SNTB2: variants seen among roughly 807,000 people sequenced by gnomAD.
The protein encoded by SNTB2 is beta-2-syntrophin.
Under a neutral mutation model 46.2 loss-of-function variants are expected in SNTB2, and 34 were observed. The observed-to-expected ratio is 0.74, with a 90% confidence interval of 0.56 to 0.98. The LOEUF (loss-of-function observed/expected upper bound fraction) is 0.98, where lower values mean the gene tolerates loss of function less well. Ranked by LOEUF, SNTB2 falls within the 50% of genes least tolerant of loss-of-function variation. The pLI is 0.00. For synonymous variants in SNTB2, 290 were observed against 312.6 expected (o/e 0.93, Z 0.76); for missense variants, 603 against 731.4 (o/e 0.82, Z 2.02).
rs966712407 is a variant in SNTB2 at position 69,275,584 on chromosome 16, T to A, written c.1148+5299T>A. ...ACCAGAGGCGGGTAAAGGGTAACCC[T>A]GAGAGAGACAAGAAGATGAAACCAG... On this transcript the variant is annotated intron_variant, in intron 4 of 6. Transcript: ENST00000336278. Among the ~76,000 whole-genome samples the A allele has an allele frequency of 2.0e-5, 3 of 152,086 alleles. No homozygotes were observed. In the East Asian group the frequency reaches 5.8e-4, roughly 29 times the overall value.
At position 69,300,960 on chromosome 16, in the gene SNTB2, A is replaced by G. The variant is rs2143211609; in HGVS notation, c.*36A>G. The G allele has an allele frequency of 7.6e-7, 1 of 1,323,054 alleles. No homozygotes were observed. The highest frequency in any genetic ancestry group is 2.3e-5 in the East Asian group (1 of 43,446). The allele number at this position is 1,323,054 out of a possible 1,614,324, so 82.0% of individuals were successfully genotyped here. A position where few individuals can be genotyped will look rare whatever the true frequency, so the allele number is the denominator to read the frequency against. ...ATCAGAAAAGAGCCTTGACTGTCAC[A>G]AGAAATATTTCCACCTCAAAAAAAA... On this transcript the variant is annotated 3_prime_UTR_variant, in exon 7 of 7. Transcript: ENST00000336278.
At chr16:69,204,827 A>G (rs1964197831) in intron 1 of SNTB2, among the ~76,000 whole-genome samples, 1 of 152,206 alleles carries the variant, frequency 6.6e-6, no homozygotes, top group Non-Finnish European at 1.5e-5. Flanking sequence ...TCTTGGCATC[A>G]AATTACTTTT....
At chr16:69,238,104 C>T (rs1190588677) in intron 1 of SNTB2, among the ~76,000 whole-genome samples, 3 of 152,168 alleles carry the variant, frequency 2.0e-5, no homozygotes, top group African/African-American at 7.2e-5. Flanking sequence ...GCGTGGACAA[C>T]ATCAGCAGAC....
chr16:69,284,189 G>T lies in SNTB2; in HGVS notation c.1290G>T (p.Arg430Ser), dbSNP rs1365749404. 10 of 1,614,000 alleles carry T rather than the reference G, an allele frequency of 6.2e-6. No homozygotes were observed. Among genetic ancestry groups the T allele is most frequent in the Non-Finnish European group, 7.6e-6 (9 of 1,179,992 alleles). ...ETHRDLSSWTRILVQGCHAAA... is the reference protein window; with the variant it reads ...ETHRDLSSWTSILVQGCHAAA... ...ATCGGGATCTGTCATCCTGGACCAG[G>T]ATACTTGTTCAGGGTTGCCATGCTG... Residue 430 changes from arginine (R) to serine (S), a missense_variant, in exon 5 of 7, where the codon AGG becomes AGT. Arg to Ser is a moderately radical substitution (Grantham distance 110). This residue lies in a region of SNTB2 where 537 missense variants were observed against 692.4 expected (regional missense o/e 0.78). Coordinates refer to ENST00000336278, the MANE Select transcript of SNTB2 (RefSeq NM_006750.4).
chr16:69,200,169 C>A (rs888448011), intron 1 of SNTB2, among the ~76,000 whole-genome samples: 3 of 152,182 alleles, frequency 2.0e-5, no homozygotes, highest in African/African-American at 7.2e-5. Flanking sequence ...CTGCCTCGGC[C>A]TCCCAAAGGA....
chr16:69,214,657 G>T (rs1417906205), intron 1 of SNTB2, among the ~76,000 whole-genome samples: 1 of 151,418 alleles, frequency 6.6e-6, no homozygotes, highest in South Asian at 2.1e-4. Context: ...CTCCTGAGTA[G>T]CTGGGATTAC....
chr16:69,299,067 G>C (rs920128564), intron 5 of SNTB2, among the ~76,000 whole-genome samples: 4 of 152,074 alleles, frequency 2.6e-5, no homozygotes, highest in African/African-American at 9.7e-5. Flanking sequence ...GTGGGTACTC[G>C]AGGAATTAAA....
At chr16:69,289,830 G>A (rs1321145161) in intron 5 of SNTB2, among the ~76,000 whole-genome samples, 2 of 152,102 alleles carry the variant, frequency 1.3e-5, no homozygotes, top group Non-Finnish European at 2.9e-5. Context: ...GCTGAGGTAG[G>A]AGGGTTGCTT....
At chr16:69,212,671 G>A (rs1416979617) in intron 1 of SNTB2, among the ~76,000 whole-genome samples, 5 of 145,956 alleles carry the variant, frequency 3.4e-5, no homozygotes, top group Admixed American at 6.9e-5. Flanking sequence ...TTTCACTCTT[G>A]TTGCCCTGGC....
At chr16:69,289,264 C>T (rs140640137) in intron 5 of SNTB2, among the ~76,000 whole-genome samples, 2,898 of 126,120 alleles carry the variant, frequency 0.023, 112 homozygotes, top group African/African-American at 0.087. Flanking sequence ...AGCTAAACTC[C>T]GTCTCAAAAA....
intron 5 of SNTB2, among the ~76,000 whole-genome samples, chr16:69,290,276 G>T (rs1395659061): frequency 1.3e-5 from 2 of 152,084 alleles, no homozygotes; most frequent in East Asian, 3.9e-4. Flanking sequence ...CACAGGATTT[G>T]AAACTATTTT....
At chr16:69,208,715 G>C (rs1321132988) in intron 1 of SNTB2, among the ~76,000 whole-genome samples, 1 of 151,820 alleles carries the variant, frequency 6.6e-6, no homozygotes, top group Non-Finnish European at 1.5e-5. Context: ...AAACATCTAG[G>C]CTGGGCGCGG....
intron 1 of SNTB2, among the ~76,000 whole-genome samples, chr16:69,231,997 G>A (rs16958697): frequency 0.018 from 2,767 of 151,970 alleles, 85 homozygotes; most frequent in African/African-American, 0.063. Context: ...TTTACCAAGG[G>A]GAATTTATAC....
At chr16:69,269,341 A>T (rs1964916120) in intron 3 of SNTB2, among the ~76,000 whole-genome samples, 1 of 150,982 alleles carries the variant, frequency 6.6e-6, no homozygotes, top group Non-Finnish European at 1.5e-5. Flanking sequence ...ACATGGTGAA[A>T]CCCCATCTCT....
intron 5 of SNTB2, among the ~76,000 whole-genome samples, chr16:69,298,838 T>G (rs185128849): frequency 1.3e-5 from 2 of 152,090 alleles, no homozygotes; most frequent in Non-Finnish European, 2.9e-5. Context: ...ACCAATTCTT[T>G]AGGGCCTATC....
rs1965301752 is a variant in SNTB2 at position 69,304,584 on chromosome 16, A to T, written c.*3660A>T. On this transcript the variant is annotated 3_prime_UTR_variant, in exon 7 of 7. Coordinates refer to ENST00000336278, the MANE Select transcript of SNTB2 (RefSeq NM_006750.4). The stretch of plus-strand genomic sequence containing the variant: ...TTATTACTGATTGTTTTCCTAATTT[A>T]TCCTCCTAAGTTGAATGGTAACAAA... The T allele has an allele frequency of 6.6e-6, 1 of 152,358 alleles. No individual in the cohort carries two copies. Among genetic ancestry groups the T allele is most frequent in the Non-Finnish European group, 1.5e-5 (1 of 68,040 alleles). 9.4% of individuals were successfully genotyped at this position (152,358 alleles called of 1,614,324 possible). A position where few individuals can be genotyped will look rare whatever the true frequency, so the allele number is the denominator to read the frequency against.
chr16:69,257,515 C>A (rs532789715), intron 2 of SNTB2, among the ~76,000 whole-genome samples: 1 of 151,756 alleles, frequency 6.6e-6, no homozygotes, highest in Non-Finnish European at 1.5e-5. Flanking sequence ...GGCATGATCT[C>A]GGCTCACTGC....
intron 1 of SNTB2, among the ~76,000 whole-genome samples, chr16:69,198,314 G>A (rs975229295): frequency 2.6e-4 from 40 of 152,124 alleles, no homozygotes; most frequent in African/African-American, 9.4e-4. Context: ...TCGCCATGTC[G>A]CCCAGGCTGG....
chr16:69,268,872 AAAT>A (rs936938376), intron 3 of SNTB2, among the ~76,000 whole-genome samples: 1 of 151,788 alleles, frequency 6.6e-6, no homozygotes, highest in Non-Finnish European at 1.5e-5. Context: ...CTCAAAAAAA[AAAT>A]AATAACACTG....
Sources: allele counts gnomAD v4.1 joint callset (sites outside exome capture counted in the v4.1 genomes callset), GRCh38; gene constraint gnomAD v4.1.1; regional missense constraint gnomAD v4.1.1; transcripts MANE v1.5; gene names NCBI Gene and HGNC (gene_info 2026-07-23, HGNC 2026-07-21).